Variants in HMGCLL1 observed in about 807,000 individuals in gnomAD.
The protein encoded by HMGCLL1 is 3-hydroxymethyl-3-methylglutaryl-CoA lyase, cytoplasmic.
HMGCLL1 carries 36 observed loss-of-function variants against 39.1 expected under a neutral mutation model. The observed-to-expected ratio is 0.92, with a 90% CI of 0.71 to 1.22. The LOEUF is 1.22. Ranked by LOEUF, HMGCLL1 falls within the 50% of genes most tolerant of loss-of-function variation. The pLI is 0.00. For missense variants in HMGCLL1, 451 were observed against 416.5 expected, an observed-to-expected ratio of 1.08 and a Z score of -0.72; for synonymous variants, 149 against 144.0, an observed-to-expected ratio of 1.03 and a Z score of -0.25.
At chr6:55,567,195 G>T (rs574022144) in intron 1 of HMGCLL1, among the ~76,000 whole-genome samples, 1 of 152,068 alleles carries the variant, frequency 6.6e-6, no homozygotes, top group Non-Finnish European at 1.5e-5. Flanking sequence ...TATTGAGGTT[G>T]GCCATTGGGA....
the HMGCLL1 span, among the ~76,000 whole-genome samples, chr6:55,606,293 C>T: frequency 4.6e-5 from 7 of 152,126 alleles, no homozygotes; most frequent in East Asian, 1.9e-4. Context: ...TTTATACACA[C>T]GACATATATC....
intron 3 of HMGCLL1, among the ~76,000 whole-genome samples, chr6:55,522,310 T>G (rs552399586): frequency 1.1e-4 from 17 of 152,076 alleles, no homozygotes; most frequent in Non-Finnish European, 2.4e-4. Context: ...TTTTTAACAT[T>G]TTTCAAAGTA....
chr6:55,519,322 C>T lies in HMGCLL1; in HGVS notation c.298-2719G>A, dbSNP rs552685894. ...GTTCTGTGGTAGAAAAAAAATGGTA[C>T]TGGGAATAGAACTAAAGAAAAATGA... On this transcript the variant is annotated intron_variant, in intron 3 of 8. Coordinates refer to ENST00000274901, the MANE Select transcript of HMGCLL1 (RefSeq NM_001042406.2). 5.3e-5 allele frequency among the ~76,000 whole-genome samples: 8 copies of T among 152,122 alleles called. No individual in the cohort carries two copies. The East Asian group carries it at 1.5e-3, about 29-fold the overall frequency.
At chr6:55,469,855 T>C (rs1764970851) in intron 7 of HMGCLL1, among the ~76,000 whole-genome samples, 1 of 151,892 alleles carries the variant, frequency 6.6e-6, no homozygotes, top group South Asian at 2.1e-4. Context: ...GATCTGGAGG[T>C]TTCATATTTA....
In HMGCLL1 at chr6:55,434,904, G is replaced by C. The variant is rs1236304702; in HGVS notation, c.*758C>G. ...AACCTATTCTTATCACTGCAATTTA[G>C]ACATCAGGACAAAAAAAAATAGCTT... On this transcript the variant is annotated 3_prime_UTR_variant, in exon 9 of 9. Transcript: ENST00000274901. 2.2e-5 allele frequency: 1 copy of C among 46,140 alleles called. No homozygotes were observed. Among genetic ancestry groups the C allele is most frequent in the African/African-American group, 7.1e-5 (1 of 14,062 alleles). 2.9% of individuals were successfully genotyped at this position (46,140 alleles called of 1,614,324 possible).
chr6:55,670,631 T>C, the HMGCLL1 span, among the ~76,000 whole-genome samples: 1 of 151,780 alleles, frequency 6.6e-6, no homozygotes, highest in Non-Finnish European at 1.5e-5. Context: ...AAAATACAAA[T>C]TCTTAATAGA....
chr6:55,629,030 T>C, the HMGCLL1 span, among the ~76,000 whole-genome samples: 3 of 152,276 alleles, frequency 2.0e-5, no homozygotes, highest in African/African-American at 7.2e-5. Context: ...GGGACACTGC[T>C]GTAAATACCT....
the HMGCLL1 span, among the ~76,000 whole-genome samples, chr6:55,634,555 G>A: frequency 7.9e-5 from 12 of 152,168 alleles, 1 homozygote; most frequent in African/African-American, 1.4e-4. Context: ...TGACTAAAAT[G>A]TTTCTTCCCA....
chr6:55,561,864 T>G (rs1770965221), intron 1 of HMGCLL1, among the ~76,000 whole-genome samples: 1 of 152,150 alleles, frequency 6.6e-6, no homozygotes, highest in East Asian at 1.9e-4. Context: ...TGATTTATCT[T>G]TCTTCACTTG....
At chr6:55,474,148 T>A (rs770660337) in intron 7 of HMGCLL1, among the ~76,000 whole-genome samples, 6 of 151,590 alleles carry the variant, frequency 4.0e-5, no homozygotes, top group Non-Finnish European at 7.4e-5. Context: ...GGTTCATGGC[T>A]GTCATTAATT....
chr6:55,484,402 T>G (rs1011072704), intron 7 of HMGCLL1, among the ~76,000 whole-genome samples: 3 of 152,096 alleles, frequency 2.0e-5, no homozygotes, highest in African/African-American at 7.2e-5. Flanking sequence ...GTCTGCTGGA[T>G]TTAAATATGA....
intron 1 of HMGCLL1, among the ~76,000 whole-genome samples, chr6:55,547,854 TATA>T (rs1211300948): frequency 6.6e-6 from 1 of 152,054 alleles, no homozygotes; most frequent in Non-Finnish European, 1.5e-5. Flanking sequence ...TTTAATCAAA[TATA>T]ATGAGAAATA....
intron 3 of HMGCLL1, among the ~76,000 whole-genome samples, chr6:55,537,342 TA>T (rs1348450441): frequency 1.3e-5 from 2 of 152,186 alleles, no homozygotes; most frequent in South Asian, 2.1e-4. Flanking sequence ...TTAAACCACT[TA>T]AAAAATTGGA....
At chr6:55,507,414 CCCCAG>C (rs2127432087) in intron 5 of HMGCLL1, among the ~76,000 whole-genome samples, 1 of 151,732 alleles carries the variant, frequency 6.6e-6, no homozygotes, top group African/African-American at 2.4e-5. Flanking sequence ...CTCCCTGTTT[CCCCAG>C]CCCTCAAACT....
chr6:55,576,982 T>G (rs1209318520), intron 1 of HMGCLL1: 26 of 1,505,674 alleles, frequency 1.7e-5, no homozygotes, highest in Non-Finnish European at 4.6e-6. Flanking sequence ...TAGAAAACAC[T>G]GGTACACAAA....
chr6:55,495,366 G>A, intron 7 of HMGCLL1, 53 bp downstream of exon 7: 1 of 1,314,654 alleles, frequency 7.6e-7, no homozygotes, highest in Non-Finnish European at 1.1e-6. Flanking sequence ...TTATATTACA[G>A]ATAAAGATGA....
At chr6:55,596,269 G>A in the HMGCLL1 span, among the ~76,000 whole-genome samples, 1 of 152,186 alleles carries the variant, frequency 6.6e-6, no homozygotes, top group African/African-American at 2.4e-5. Context: ...GGAGGTTACA[G>A]AAAGCTGACA....
intron 1 of HMGCLL1, among the ~76,000 whole-genome samples, chr6:55,549,276 C>A (rs1458547612): frequency 2.0e-5 from 3 of 151,550 alleles, no homozygotes; most frequent in African/African-American, 2.4e-5. Context: ...TCTTCACCAA[C>A]AAAATTTGTT....
At chr6:55,500,581 T>C (rs946061354) in intron 5 of HMGCLL1, among the ~76,000 whole-genome samples, 1 of 151,918 alleles carries the variant, frequency 6.6e-6, no homozygotes, top group East Asian at 1.9e-4. Flanking sequence ...AATAGTTTTA[T>C]AAGCCATTCA....
Sources: gnomAD v4.1 joint callset for allele counts (sites outside exome capture counted in the v4.1 genomes callset) on GRCh38, gnomAD v4.1.1 for gene constraint, MANE v1.5 for transcripts, NCBI Gene and HGNC (gene_info 2026-07-23, HGNC 2026-07-21) for gene names.